The following POLE2 variants were observed in gnomAD, a reference collection of about 807,000 sequenced individuals.
POLE2 encodes the protein DNA polymerase epsilon 2, accessory subunit.
In POLE2, 56 loss-of-function variants were observed where a neutral mutation model predicts 79.4. The ratio of observed to expected loss-of-function variants is 0.71; its 90% CI spans 0.57 to 0.88. The LOEUF (loss-of-function observed/expected upper bound fraction) is 0.88, where lower values mean the gene tolerates loss of function less well. Among genes scored for constraint, POLE2 ranks in the 40% least tolerant of loss-of-function variants. The pLI is 0.00. For missense variants in POLE2, 598 were observed against 638.9 expected (o/e 0.94, Z 0.69); for synonymous variants, 212 against 214.0 (o/e 0.99, Z 0.08).
intron 3 of POLE2, among the ~76,000 whole-genome samples, chr14:49,678,445 C>T (rs1037415776): frequency 6.6e-6 from 1 of 152,098 alleles, no homozygotes; most frequent in Non-Finnish European, 1.5e-5. Flanking sequence ...ATATTACGTT[C>T]TGCCTCCAAA....
intron 18 of POLE2, among the ~76,000 whole-genome samples, chr14:49,643,875 C>CTTTTTTTTTTTTTTTTTTTTTTT (rs11361567): frequency 1.9e-5 from 1 of 53,206 alleles, no homozygotes; most frequent in African/African-American, 6.6e-5. Flanking sequence ...AAATGTATGT[C>CTTTTTTTTTTTTTTTTTTTTTTT]TTTTTTTTTT....
At position 49,682,640 on chromosome 14, in the gene POLE2, GAAAAAA is replaced by G. The variant is rs35984833; in HGVS notation, c.169+947_169+952del. 6.8e-3 allele frequency among the ~76,000 whole-genome samples: 417 copies of G among 60,976 alleles called. 1 individual carries two copies. Among genetic ancestry groups the G allele is most frequent in the African/African-American group, 0.016 (286 of 17,442 alleles). The allele number at this position is 60,976 out of a possible 152,430, so 40.0% of individuals were successfully genotyped here. A position where few individuals can be genotyped will look rare whatever the true frequency, so the allele number is the denominator to read the frequency against. ...CGACAGTGCAAGACTCCTTCTCAGG[GAAAAAA>G]AAAAAAAAAAAAAAAAAAAAGTCTA... On this transcript the variant is annotated intron_variant, in intron 2 of 18. Transcript: ENST00000216367.
At chr14:49,684,334 G>A (rs991560316) in intron 1 of POLE2, among the ~76,000 whole-genome samples, 3 of 152,006 alleles carry the variant, frequency 2.0e-5, no homozygotes, top group African/African-American at 7.2e-5. Context: ...GCATGGTGGC[G>A]GGCGCCTGTA....
At chr14:49,682,640 G>GAAAAAAAAAAAAAAAAAAAA (rs35984833) in intron 2 of POLE2, among the ~76,000 whole-genome samples, 1 of 60,980 alleles carries the variant, frequency 1.6e-5, no homozygotes, top group African/African-American at 5.7e-5. Context: ...CCTTCTCAGG[G>GAAAAAAAAAAAAAAAAAAAA]AAAAAAAAAA....
chr14:49,654,982 C>G (rs771372671), intron 12 of POLE2, 23 bp downstream of exon 12: 3 of 1,468,552 alleles, frequency 2.0e-6, no homozygotes, highest in Non-Finnish European at 2.8e-6. Flanking sequence ...AGAAACACTT[C>G]TTATTAAATA....
At position 49,648,771 on chromosome 14, in the gene POLE2, C is replaced by CGATAA. The variant is rs1883968164; in HGVS notation, c.1498-1416_1498-1412dup. ...TCCAAAATGTCAAAAGTGCCAAGGC[C>CGATAA]GATAAGCCATGTCTTAGAAGAAGCT... is the stretch of plus-strand genomic sequence containing the variant. On this transcript the variant is annotated intron_variant, in intron 17 of 18. Transcript: ENST00000216367. Among the ~76,000 whole-genome samples, 3 of 152,106 alleles carry CGATAA rather than the reference C, an allele frequency of 2.0e-5. No individual in the cohort carries two copies. In the South Asian group the frequency reaches 6.2e-4, roughly 31 times the overall value.
At chr14:49,644,395 A>T (rs1028181752) in intron 18 of POLE2, among the ~76,000 whole-genome samples, 1 of 151,308 alleles carries the variant, frequency 6.6e-6, no homozygotes, top group African/African-American at 2.4e-5. Flanking sequence ...CTGTAATCCC[A>T]GCTACTCGGG....
At chr14:49,675,652 C>T (rs1886221219) in intron 3 of POLE2, among the ~76,000 whole-genome samples, 1 of 152,086 alleles carries the variant, frequency 6.6e-6, no homozygotes, top group Admixed American at 6.6e-5. Context: ...TCTCAAACTC[C>T]TGACCTCAAG....
In POLE2 at chr14:49,677,980, CTTTATTTTATTTTA is replaced by C. The variant is rs568355972; in HGVS notation, c.245+1731_245+1744del. Reference sequence around the variant, plus strand: ...TCACTGGAATCTCTACCCATTCTTTCTTTATTTTATTTTATTTATTTTATTTTTTTTTTTTTGAG... The same window carrying C: ...TCACTGGAATCTCTACCCATTCTTTCTTTATTTTATTTTTTTTTTTTTGAG... On this transcript the variant is annotated intron_variant, in intron 3 of 18. Coordinates refer to ENST00000216367, the MANE Select transcript of POLE2 (RefSeq NM_002692.4). 1.0e-2 allele frequency: 2,224 copies of C among 222,952 alleles called. 11 individuals carry two copies. The highest frequency in any genetic ancestry group is 0.014 in the Non-Finnish European group (1,605 of 116,136). The allele number at this position is 222,952 out of a possible 1,614,324, so 13.8% of individuals were successfully genotyped here.
chr14:49,653,377 G>C (rs1191743060), intron 15 of POLE2, among the ~76,000 whole-genome samples: 1 of 152,180 alleles, frequency 6.6e-6, no homozygotes, highest in Non-Finnish European at 1.5e-5. Context: ...AATACGAACA[G>C]TAAATAAGTA....
intron 17 of POLE2, among the ~76,000 whole-genome samples, chr14:49,649,384 G>T (rs1356372334): frequency 6.6e-5 from 10 of 150,424 alleles, no homozygotes; most frequent in Non-Finnish European, 1.3e-4. Flanking sequence ...CTGACCTCGT[G>T]ATCTGCCCGC....
rs78537817 is a variant in POLE2 at position 49,681,260 on chromosome 14, C to A, written c.170-1460G>T. 430 of 212,392 alleles carry A rather than the reference C, an allele frequency of 2.0e-3. 5 individuals carry two copies. The East Asian group carries it at 0.021, about 10-fold the overall frequency. The allele number at this position is 212,392 out of a possible 1,614,324, so 13.2% of individuals were successfully genotyped here. A position where few individuals can be genotyped will look rare whatever the true frequency, so the allele number is the denominator to read the frequency against. ...TATTTAACAAAAAGGTCCCTGAATCCCTATGGCAGTGTGGCAGTGGCAAGA... is the reference window on the plus strand; with the variant it reads ...TATTTAACAAAAAGGTCCCTGAATCACTATGGCAGTGTGGCAGTGGCAAGA... On this transcript the variant is annotated intron_variant, in intron 2 of 18. Coordinates refer to ENST00000216367, the MANE Select transcript of POLE2 (RefSeq NM_002692.4).
intron 1 of POLE2, among the ~76,000 whole-genome samples, chr14:49,687,041 TGGGAGGCCAC>T (rs1001968461): frequency 6.6e-6 from 1 of 152,074 alleles, no homozygotes; most frequent in African/African-American, 2.4e-5. Context: ...TCCAGCATTC[TGGGAGGCCAC>T]GGCGCGAGGA....
At chr14:49,666,469 A>T in intron 6 of POLE2, 56 bp from the exon 7 acceptor site, 1 of 723,542 alleles carries the variant, frequency 1.4e-6, no homozygotes, top group Non-Finnish European at 2.2e-6. Flanking sequence ...TCAAGAAACA[A>T]AACTTTTTAT....
rs191452061 is a variant in POLE2, at chr14:49,644,589, T to C, written c.1566-919A>G. Among the ~76,000 whole-genome samples, 549 of 152,096 alleles carry C rather than the reference T, an allele frequency of 3.6e-3. 6 individuals are homozygous for C. Among genetic ancestry groups the C allele is most frequent in the South Asian group, 6.2e-3 (30 of 4,814 alleles). The stretch of plus-strand genomic sequence containing the variant: ...ATGCTTTAAAAACATACAGAAGTGA[T>C]AGGATATTATGCATACTTTCTACAC... On this transcript the variant is annotated intron_variant, in intron 18 of 18. Coordinates refer to ENST00000216367, the MANE Select transcript of POLE2 (RefSeq NM_002692.4).
At chr14:49,661,167 C>G (rs762453690) in intron 10 of POLE2, among the ~76,000 whole-genome samples, 13 of 152,238 alleles carry the variant, frequency 8.5e-5, no homozygotes, top group African/African-American at 3.1e-4. Context: ...GCGATCCACC[C>G]ACCTCAGCCT....
rs1335682623 is a variant in POLE2, at chr14:49,679,717, C to T, written c.245+8G>A. ...CAAGGAGGAAAAAAGTTAACTGTAC[C>T]CACATACATAGTTTCATCAACAGAC... is the stretch of plus-strand genomic sequence containing the variant. On this transcript the variant is annotated splice_region_variant and intron_variant, in intron 3 of 18. Transcript: ENST00000216367. 2.7e-6 allele frequency: 4 copies of T among 1,505,034 alleles called. No individual in the cohort carries two copies. The highest frequency in any genetic ancestry group is 3.7e-6 in the Non-Finnish European group (4 of 1,085,812). 93.2% of individuals were successfully genotyped at this position (1,505,034 alleles called of 1,614,324 possible). A position where few individuals can be genotyped will look rare whatever the true frequency, so the allele number is the denominator to read the frequency against.
At chr14:49,654,729 TTG>T in intron 13 of POLE2, 53 bp downstream of exon 13, 1 of 1,477,340 alleles carries the variant, frequency 6.8e-7, no homozygotes, top group South Asian at 1.5e-5. Flanking sequence ...AATTCATTTT[TTG>T]TTTTTTTTTT....
chr14:49,651,770 A>G (rs906334402), intron 15 of POLE2, among the ~76,000 whole-genome samples: 5 of 152,228 alleles, frequency 3.3e-5, no homozygotes, highest in African/African-American at 1.2e-4. Context: ...GCATATTAAT[A>G]GGATGATCAG....
Sources: gnomAD v4.1 joint callset for allele counts (sites outside exome capture counted in the v4.1 genomes callset) on GRCh38, gnomAD v4.1.1 for gene constraint, MANE v1.5 for transcripts, NCBI Gene and HGNC (gene_info 2026-07-23, HGNC 2026-07-21) for gene names.